Variants in LRFN5 observed in about 807,000 individuals in gnomAD.
LRFN5 encodes the protein leucine-rich repeat and fibronectin type-III domain-containing protein 5.
LRFN5 carries 24 observed loss-of-function variants against 45.6 expected under a neutral mutation model. The observed-to-expected ratio is 0.53, with a 90% CI of 0.38 to 0.74. The LOEUF is 0.74. Among genes scored for constraint, LRFN5 ranks in the 30% least tolerant of loss-of-function variants. LRFN5 has a pLI of 0.00. For synonymous variants in LRFN5, 340 were observed against 313.8 expected (o/e 1.08, Z -0.88); for missense variants, 776 against 861.5 (o/e 0.90, Z 1.24).
At chr14:41,822,034 A>G (rs993636613) in intron 2 of LRFN5, among the ~76,000 whole-genome samples, 2 of 151,792 alleles carry the variant, frequency 1.3e-5, no homozygotes, top group Non-Finnish European at 2.9e-5. Flanking sequence ...GATTGTGCTT[A>G]TTTGAATCTT....
At chr14:41,854,900 T>C (rs979628733) in intron 2 of LRFN5, among the ~76,000 whole-genome samples, 1 of 152,202 alleles carries the variant, frequency 6.6e-6, no homozygotes, top group African/African-American at 2.4e-5. Flanking sequence ...TCATAAATAG[T>C]ATGCACTTAT....
chr14:41,630,622 G>C (rs907439681), intron 1 of LRFN5, among the ~76,000 whole-genome samples: 2 of 151,956 alleles, frequency 1.3e-5, no homozygotes, highest in Non-Finnish European at 2.9e-5. Context: ...ATTTATTTAA[G>C]AGCATTGCTA....
chr14:41,770,337 T>G (rs2084347), intron 2 of LRFN5, among the ~76,000 whole-genome samples: 1 of 152,030 alleles, frequency 6.6e-6, no homozygotes, highest in Non-Finnish European at 1.5e-5. Flanking sequence ...AAAATACAAT[T>G]ATCGCTTGCC....
intron 2 of LRFN5, among the ~76,000 whole-genome samples, chr14:41,812,896 AT>A (rs1247189701): frequency 2.0e-5 from 3 of 152,140 alleles, no homozygotes; most frequent in Non-Finnish European, 4.4e-5. Context: ...AGATCCAGGA[AT>A]GGGGTGGTGA....
chr14:41,873,431 G>A (rs1346624651), intron 2 of LRFN5, among the ~76,000 whole-genome samples: 1 of 151,804 alleles, frequency 6.6e-6, no homozygotes, highest in Non-Finnish European at 1.5e-5. Flanking sequence ...GAGAGAGAGA[G>A]AGAGAGAGAG....
intron 1 of LRFN5, among the ~76,000 whole-genome samples, chr14:41,636,715 A>G (rs1230752130): frequency 6.6e-6 from 1 of 152,184 alleles, no homozygotes; most frequent in Non-Finnish European, 1.5e-5. Context: ...GATTCCAATG[A>G]GACAGAACAC....
At chr14:41,620,468 C>T (rs1888084517) in intron 1 of LRFN5, among the ~76,000 whole-genome samples, 1 of 151,996 alleles carries the variant, frequency 6.6e-6, no homozygotes, top group African/African-American at 2.4e-5. Context: ...GTACATGTGT[C>T]ACTCTTATTA....
intron 3 of LRFN5, among the ~76,000 whole-genome samples, chr14:41,888,968 CATATGTGTGTATGT>C (rs1356936973): frequency 6.7e-6 from 1 of 149,754 alleles, no homozygotes; most frequent in South Asian, 2.1e-4. Flanking sequence ...TATATATACA[CATATGTGTGTATGT>C]ATATGTGTGT....
At chr14:41,903,173 A>C (rs1402972802) in intron 5 of LRFN5, among the ~76,000 whole-genome samples, 5 of 151,490 alleles carry the variant, frequency 3.3e-5, no homozygotes, top group Admixed American at 2.6e-4. Flanking sequence ...CTTAAATAAA[A>C]TATCTTTACA....
At chr14:41,837,191 C>CCA (rs1281650035) in intron 2 of LRFN5, among the ~76,000 whole-genome samples, 1 of 75,864 alleles carries the variant, frequency 1.3e-5, no homozygotes, top group African/African-American at 5.6e-5. Context: ...CTCACACACT[C>CCA]CACAAAAAAA....
intron 1 of LRFN5, among the ~76,000 whole-genome samples, chr14:41,756,456 A>T (rs1379550783): frequency 1.3e-5 from 2 of 152,000 alleles, no homozygotes. Flanking sequence ...TGGAGGCTTT[A>T]TTCGTTTCTT....
intron 1 of LRFN5, among the ~76,000 whole-genome samples, chr14:41,690,173 C>T (rs1882313024): frequency 6.6e-6 from 1 of 151,916 alleles, no homozygotes; most frequent in African/African-American, 2.4e-5. Context: ...GTTTGTACTT[C>T]ATAACCAAGT....
intron 1 of LRFN5, among the ~76,000 whole-genome samples, chr14:41,694,797 C>T (rs942153789): frequency 1.3e-5 from 2 of 151,764 alleles, no homozygotes; most frequent in African/African-American, 4.8e-5. Context: ...TTTGGTGTTA[C>T]TATGTAATTA....
intron 2 of LRFN5, among the ~76,000 whole-genome samples, chr14:41,787,532 A>C (rs996461604): frequency 6.6e-6 from 1 of 150,830 alleles, no homozygotes; most frequent in African/African-American, 2.4e-5. Context: ...CTAGTGGCTT[A>C]AAAAATGGAA....
chr14:41,880,138 A>G (rs989196397), intron 2 of LRFN5, among the ~76,000 whole-genome samples: 6 of 151,784 alleles, frequency 4.0e-5, no homozygotes, highest in African/African-American at 7.3e-5. Flanking sequence ...CGTATTAGCC[A>G]GGATGGTCTC....
chr14:41,827,734 C>T (rs913603211), intron 2 of LRFN5, among the ~76,000 whole-genome samples: 2 of 151,950 alleles, frequency 1.3e-5, no homozygotes, highest in Admixed American at 6.6e-5. Flanking sequence ...TCTTTCCAAA[C>T]TTAAAATTTA....
chr14:41,714,693 C>T (rs796630004), intron 1 of LRFN5, among the ~76,000 whole-genome samples: 4 of 152,104 alleles, frequency 2.6e-5, no homozygotes, highest in African/African-American at 9.6e-5. Flanking sequence ...ATTGCTTGAG[C>T]CCACAAGTTC....
chr14:41,757,015 A>C (rs866036881), intron 1 of LRFN5, among the ~76,000 whole-genome samples: 4 of 152,138 alleles, frequency 2.6e-5, no homozygotes, highest in Non-Finnish European at 4.4e-5. Flanking sequence ...AGTTTGCTGG[A>C]GGTCCACTCC....
intron 1 of LRFN5, among the ~76,000 whole-genome samples, chr14:41,688,887 G>T (rs1347548342): frequency 6.8e-6 from 1 of 146,038 alleles, no homozygotes; most frequent in East Asian, 2.0e-4. Flanking sequence ...ATTTTGGGCA[G>T]CATGGTGAGA....
Sources: gnomAD v4.1 joint callset for allele counts (sites outside exome capture counted in the v4.1 genomes callset) on GRCh38, gnomAD v4.1.1 for gene constraint, MANE v1.5 for transcripts, NCBI Gene and HGNC (gene_info 2026-07-23, HGNC 2026-07-21) for gene names.